The following SEC11A variants were observed in gnomAD, a reference collection of about 807,000 sequenced individuals.
SEC11A encodes the protein signal peptidase complex catalytic subunit SEC11A.
A neutral mutation model predicts 25.6 loss-of-function variants in SEC11A; 14 were observed. That is an observed-to-expected ratio of 0.55 (90% CI 0.36 to 0.85). The LOEUF (loss-of-function observed/expected upper bound fraction) is 0.85. Ranked by LOEUF, SEC11A falls within the 40% of genes least tolerant of loss-of-function variation. The pLI, the probability that SEC11A is intolerant of heterozygous loss-of-function variation, is 0.01. For synonymous variants in SEC11A, 83 were observed against 76.4 expected (o/e 1.09, Z -0.45); for missense variants, 153 against 222.9 (o/e 0.69, Z 2.00).
intron 1 of SEC11A, among the ~76,000 whole-genome samples, chr15:84,705,028 G>A (rs893292402): frequency 6.6e-6 from 1 of 151,628 alleles, no homozygotes; most frequent in Non-Finnish European, 1.5e-5. Flanking sequence ...GGGCTCAAGT[G>A]ATTCTCCCAC....
chr15:84,692,476 T>C (rs936515195), intron 1 of SEC11A, among the ~76,000 whole-genome samples: 1 of 152,190 alleles, frequency 6.6e-6, no homozygotes, highest in African/African-American at 2.4e-5. Context: ...AGTCACATAG[T>C]CAAGACTTGA....
intron 1 of SEC11A, among the ~76,000 whole-genome samples, chr15:84,699,089 C>T (rs753298310): frequency 1.3e-5 from 2 of 151,926 alleles, no homozygotes; most frequent in South Asian, 4.2e-4. Context: ...CCAAGGAGGG[C>T]AGATCACTTG....
intron 3 of SEC11A, among the ~76,000 whole-genome samples, chr15:84,681,531 G>A (rs1897283147): frequency 6.6e-6 from 1 of 152,168 alleles, no homozygotes; most frequent in Non-Finnish European, 1.5e-5. Flanking sequence ...TCAGGAGGCT[G>A]AGGCAGGAGA....
chr15:84,703,754 A>C (rs1337885989), intron 1 of SEC11A, among the ~76,000 whole-genome samples: 1 of 152,226 alleles, frequency 6.6e-6, no homozygotes, highest in Non-Finnish European at 1.5e-5. Flanking sequence ...ACATCACTGG[A>C]AAGTTGAGAC....
At chr15:84,693,298 T>C (rs533108935) in intron 1 of SEC11A, among the ~76,000 whole-genome samples, 1 of 152,090 alleles carries the variant, frequency 6.6e-6, no homozygotes, top group East Asian at 1.9e-4. Flanking sequence ...GTTGTTTTTT[T>C]CTTCTCATTC....
intron 1 of SEC11A, among the ~76,000 whole-genome samples, chr15:84,700,787 C>T (rs1321628049): frequency 1.3e-5 from 2 of 150,674 alleles, no homozygotes; most frequent in African/African-American, 4.9e-5. Flanking sequence ...TTGAGACCAG[C>T]CTGACCAACA....
chr15:84,695,809 C>A (rs766150187), intron 1 of SEC11A, among the ~76,000 whole-genome samples: 1 of 152,142 alleles, frequency 6.6e-6, no homozygotes, highest in Non-Finnish European at 1.5e-5. Context: ...CTTATAAATG[C>A]ACAGTTAATC....
In SEC11A at chr15:84,680,715, C is replaced by T; in HGVS notation, c.429G>A (p.Arg143=). 1 of 1,610,498 alleles carries T rather than the reference C, an allele frequency of 6.2e-7. No individual in the cohort carries two copies. The highest frequency in any genetic ancestry group is 1.7e-5 in the Admixed American group (1 of 59,518). Reference sequence around the variant, plus strand: ...GAGATGCTCCCCTCTATACTTACCCCCTGGCTCTCCCCACAACATCTTTTT... The same window carrying T: ...GAGATGCTCCCCTCTATACTTACCCTCTGGCTCTCCCCACAACATCTTTTT... ...LEKKDVVGRA[R]GFVPYIGIVT... is the part of the protein sequence containing the mutation. Residue 143 remains arginine, a splice_region_variant and synonymous_variant, in exon 4 of 6, where the codon AGG becomes AGA. Coordinates refer to ENST00000268220, the MANE Select transcript of SEC11A (RefSeq NM_014300.4).
intron 3 of SEC11A, among the ~76,000 whole-genome samples, chr15:84,684,444 G>C (rs766850687): frequency 6.6e-6 from 1 of 152,062 alleles, no homozygotes; most frequent in Non-Finnish European, 1.5e-5. Context: ...TTTGCCTTCT[G>C]ATTGTGAGGC....
intron 1 of SEC11A, among the ~76,000 whole-genome samples, chr15:84,703,487 G>A (rs1469417186): frequency 6.6e-6 from 1 of 152,124 alleles, no homozygotes; most frequent in Non-Finnish European, 1.5e-5. Context: ...AGCTGACTAA[G>A]GAACACTTTA....
chr15:84,686,181 AC>A (rs1194137717), intron 3 of SEC11A, among the ~76,000 whole-genome samples: 1 of 152,140 alleles, frequency 6.6e-6, no homozygotes, highest in Non-Finnish European at 1.5e-5. Context: ...ATTTCCACAT[AC>A]ATACTGATAT....
In SEC11A at chr15:84,691,936, C is replaced by T. The variant is rs75211297; in HGVS notation, c.52-292G>A. On this transcript the variant is annotated intron_variant, in intron 1 of 5. Coordinates refer to ENST00000268220, the MANE Select transcript of SEC11A (RefSeq NM_014300.4). ...AGTTATTTCATTTGGGCTCCATAAT[C>T]ATTCAGCTTAAATTTATCACTCATG... is the stretch of plus-strand genomic sequence containing the variant. 526 of 204,394 alleles carry T rather than the reference C, an allele frequency of 2.6e-3. 7 individuals carry two copies. Among genetic ancestry groups the T allele is most frequent in the African/African-American group, 0.011 (493 of 43,162 alleles). The allele number at this position is 204,394 out of a possible 1,614,324, so 12.7% of individuals were successfully genotyped here.
At chr15:84,705,804 G>A (rs1252626451) in intron 1 of SEC11A, among the ~76,000 whole-genome samples, 2 of 151,416 alleles carry the variant, frequency 1.3e-5, no homozygotes, top group Admixed American at 6.6e-5. Flanking sequence ...GCAGTGAGCC[G>A]AGATCGCACC....
At chr15:84,688,650 T>C (rs1295823112) in intron 2 of SEC11A, among the ~76,000 whole-genome samples, 1 of 152,208 alleles carries the variant, frequency 6.6e-6, no homozygotes, top group Non-Finnish European at 1.5e-5. Context: ...CCAAACACTT[T>C]TGTTTAAAGA....
intron 4 of SEC11A, among the ~76,000 whole-genome samples, chr15:84,676,491 A>G (rs2141872450): frequency 6.7e-6 from 1 of 150,050 alleles, no homozygotes; most frequent in Non-Finnish European, 1.5e-5. Flanking sequence ...TGCATAAAGG[A>G]GGCGGAGTGC....
chr15:84,674,654 G>A (rs930356539), intron 4 of SEC11A, among the ~76,000 whole-genome samples: 3 of 152,092 alleles, frequency 2.0e-5, no homozygotes, highest in Non-Finnish European at 4.4e-5. Context: ...GAACTCCTGG[G>A]CTCAAGCAAT....
intron 3 of SEC11A, among the ~76,000 whole-genome samples, chr15:84,684,408 C>T (rs1206837310): frequency 1.3e-5 from 2 of 152,112 alleles, no homozygotes; most frequent in Non-Finnish European, 2.9e-5. Context: ...TGCCTGCCGA[C>T]ATGTACAACA....
chr15:84,701,360 C>A (rs1196079029), intron 1 of SEC11A, among the ~76,000 whole-genome samples: 2 of 151,442 alleles, frequency 1.3e-5, no homozygotes, highest in Non-Finnish European at 2.9e-5. Flanking sequence ...GCTCTTGTTG[C>A]CTAGGGTGGA....
intron 1 of SEC11A, among the ~76,000 whole-genome samples, chr15:84,707,282 T>G (rs550632155): frequency 6.8e-6 from 1 of 148,140 alleles, no homozygotes; most frequent in African/African-American, 2.5e-5. Context: ...GCCTCCCAGG[T>G]TCAAGCAATT....
Sources: gnomAD v4.1 joint callset for allele counts (sites outside exome capture counted in the v4.1 genomes callset) on GRCh38, gnomAD v4.1.1 for gene constraint, MANE v1.5 for transcripts, NCBI Gene and HGNC (gene_info 2026-07-23, HGNC 2026-07-21) for gene names.